The following CGGBP1 variants were observed in gnomAD, a reference collection of about 807,000 sequenced individuals.
CGGBP1 encodes the protein CGG triplet repeat-binding protein 1.
A neutral mutation model predicts 11.4 loss-of-function variants in CGGBP1; 4 were observed. The observed-to-expected ratio is 0.35, with a 90% CI of 0.17 to 0.80. The LOEUF is 0.80. Among genes scored for constraint, CGGBP1 ranks in the 30% least tolerant of loss-of-function variants. CGGBP1 has a pLI of 0.52. For synonymous variants in CGGBP1, 76 were observed against 74.1 expected, an observed-to-expected ratio of 1.03 and a Z score of -0.13; for missense variants, 135 against 202.1, an observed-to-expected ratio of 0.67 and a Z score of 2.01.
intron 2 of CGGBP1, among the ~76,000 whole-genome samples, chr3:88,103,635 C>T (rs1559712374): frequency 6.6e-6 from 1 of 150,490 alleles, no homozygotes; most frequent in Non-Finnish European, 1.5e-5. Flanking sequence ...GTGAAAGTAA[C>T]AAGAGAAAAA....
intron 2 of CGGBP1, among the ~76,000 whole-genome samples, chr3:88,094,323 G>A (rs1483131751): frequency 6.6e-6 from 1 of 151,952 alleles, no homozygotes; most frequent in Non-Finnish European, 1.5e-5. Context: ...TCTTTTCCCC[G>A]GTAATTTTGG....
chr3:88,147,585 A>G lies in CGGBP1; in HGVS notation c.-338+2126T>C, dbSNP rs76265194. ...CTATCCAAGACAGTAGTCACTAGCC[A>G]TGTGTGGCTATTAAAATTTAAATTC... On this transcript the variant is annotated intron_variant, in intron 1 of 3. Coordinates refer to the CGGBP1 transcript ENST00000462901. 7.6e-3 allele frequency among the ~76,000 whole-genome samples: 1,158 copies of G among 152,366 alleles called. 10 individuals carry two copies. Among genetic ancestry groups the G allele is most frequent in the Middle Eastern group, 0.034 (10 of 294 alleles).
At chr3:88,097,817 C>G (rs530834225) in intron 2 of CGGBP1, among the ~76,000 whole-genome samples, 20 of 152,084 alleles carry the variant, frequency 1.3e-4, no homozygotes, top group Non-Finnish European at 2.9e-4. Context: ...AGAATATCTG[C>G]GACACATTTA....
chr3:88,142,356 T>G (rs1196792238), intron 1 of CGGBP1: 1 of 152,302 alleles, frequency 6.6e-6, no homozygotes, highest in Non-Finnish European at 1.5e-5. Context: ...TAACCACTTT[T>G]GTGGTACAAA....
intron 2 of CGGBP1, among the ~76,000 whole-genome samples, chr3:88,091,820 C>T (rs538096280): frequency 7.2e-5 from 11 of 152,318 alleles, no homozygotes; most frequent in East Asian, 1.9e-4. Context: ...GTTCCTCCTT[C>T]GCCTTCTGCT....
chr3:88,068,690 A>C (rs1707336134), intron 2 of CGGBP1, among the ~76,000 whole-genome samples: 2 of 152,190 alleles, frequency 1.3e-5, no homozygotes, highest in Non-Finnish European at 2.9e-5. Context: ...CTTTCCATGA[A>C]TCAGGGATTG....
chr3:88,063,599 A>G (rs1203132092), upstream of CGGBP1, among the ~76,000 whole-genome samples: 1 of 152,180 alleles, frequency 6.6e-6, no homozygotes, highest in Non-Finnish European at 1.5e-5. Context: ...AATTCTTGCT[A>G]TTAATTGGGA....
rs540470984 is a variant in CGGBP1 at position 88,105,416 on chromosome 3, T to A, written c.-229+35554A>T. 1.8e-4 allele frequency among the ~76,000 whole-genome samples: 27 copies of A among 152,346 alleles called. No individual in the cohort carries two copies. The East Asian group carries it at 5.2e-3, about 29-fold the overall frequency. ...TGTTGTGTTGATGTAGCATAGTCAG[T>A]CAATTTGTCCTCTACTGGTATGCAT... On this transcript the variant is annotated intron_variant, in intron 2 of 3. Coordinates refer to the CGGBP1 transcript ENST00000462901.
chr3:88,101,657 G>C (rs1365171489), intron 2 of CGGBP1, among the ~76,000 whole-genome samples: 1 of 152,010 alleles, frequency 6.6e-6, no homozygotes, highest in East Asian at 1.9e-4. Context: ...GTCTTATGTG[G>C]CCACATCTTT....
intron 2 of CGGBP1, among the ~76,000 whole-genome samples, chr3:88,091,051 C>A (rs1296140046): frequency 6.6e-6 from 1 of 152,158 alleles, no homozygotes; most frequent in African/African-American, 2.4e-5. Flanking sequence ...CTATGGTATT[C>A]AGTACAGTAG....
upstream of CGGBP1, chr3:88,059,511 G>T: frequency 6.8e-7 from 1 of 1,466,336 alleles, no homozygotes; most frequent in Non-Finnish European, 8.9e-7. Flanking sequence ...GTCAGGTGAG[G>T]CGTCCGTTGG....
intron 2 of CGGBP1, among the ~76,000 whole-genome samples, chr3:88,120,808 CATT>C (rs10574441): frequency 0.78 from 118,746 of 151,650 alleles, 47,396 homozygotes; most frequent in South Asian, 0.91. Context: ...AAGTCAGTGA[CATT>C]AGTGTGATTA....
chr3:88,072,675 T>C (rs2107618827), intron 2 of CGGBP1, among the ~76,000 whole-genome samples: 1 of 152,278 alleles, frequency 6.6e-6, no homozygotes, highest in Non-Finnish European at 1.5e-5. Context: ...TTTTCCCCCT[T>C]ACCTGTGTTT....
At chr3:88,114,502 C>T (rs1705271279) in intron 2 of CGGBP1, among the ~76,000 whole-genome samples, 1 of 152,102 alleles carries the variant, frequency 6.6e-6, no homozygotes, top group Non-Finnish European at 1.5e-5. Context: ...AGCGGTTTTG[C>T]ATACTTTTCT....
intron 2 of CGGBP1, among the ~76,000 whole-genome samples, chr3:88,123,440 T>A (rs1576325577): frequency 6.6e-6 from 1 of 152,278 alleles, no homozygotes. Context: ...TAATTCATAA[T>A]GTAATCATTT....
chr3:88,075,789 A>G (rs1707768194), intron 2 of CGGBP1, among the ~76,000 whole-genome samples: 1 of 151,478 alleles, frequency 6.6e-6, no homozygotes, highest in African/African-American at 2.4e-5. Context: ...TCCTTCAGTT[A>G]TCTCTTGTAG....
At chr3:88,141,029 A>T in exon 2 of CGGBP1, 1 of 1,601,936 alleles carries the variant, frequency 6.2e-7, no homozygotes. Flanking sequence ...CACTCTTTGG[A>T]TTTGATTCAG....
chr3:88,103,131 A>C (rs1417194501), intron 2 of CGGBP1, among the ~76,000 whole-genome samples: 2 of 152,114 alleles, frequency 1.3e-5, no homozygotes, highest in African/African-American at 2.4e-5. Flanking sequence ...TTATATAATG[A>C]AGCCCAGCTT....
intron 2 of CGGBP1, among the ~76,000 whole-genome samples, chr3:88,082,777 T>C (rs1488030077): frequency 6.6e-6 from 1 of 152,214 alleles, no homozygotes; most frequent in African/African-American, 2.4e-5. Flanking sequence ...TCACTTTATA[T>C]GTTTAAATAG....
Sources: allele counts gnomAD v4.1 joint callset (sites outside exome capture counted in the v4.1 genomes callset), GRCh38; gene constraint gnomAD v4.1.1; transcripts MANE v1.5; gene names NCBI Gene and HGNC (gene_info 2026-07-23, HGNC 2026-07-21).